The following ABCA9 variants were observed in gnomAD, a reference collection of about 807,000 sequenced individuals.
The protein encoded by ABCA9 is ATP binding cassette subfamily A member 9.
Under a neutral mutation model 205.3 loss-of-function variants are expected in ABCA9, and 183 were observed. The observed-to-expected ratio is 0.89, with a 90% confidence interval of 0.79 to 1.01. The LOEUF (loss-of-function observed/expected upper bound fraction) is 1.01, where lower values mean the gene tolerates loss of function less well. Ranked by LOEUF, ABCA9 falls within the 50% of genes least tolerant of loss-of-function variation. The pLI is 0.00. For missense variants in ABCA9, 1,805 were observed against 1,912.4 expected (o/e 0.94, Z 1.05); for synonymous variants, 651 against 683.3 (o/e 0.95, Z 0.74).
Position 69,017,960 on chromosome 17 carries a change from G to A in ABCA9, c.2768-171C>T, listed in dbSNP as rs189487183. The A allele has an allele frequency of 8.9e-5, 53 of 593,426 alleles. No individual in the cohort carries two copies. The African/African-American group carries it at 9.5e-4, about 11-fold the overall frequency. The allele number at this position is 593,426 out of a possible 1,614,324, so 36.8% of individuals were successfully genotyped here. On this transcript the variant is annotated intron_variant, in intron 20 of 38. Transcript: ENST00000340001. Reference sequence around the variant, plus strand: ...ACAACAATCCAGTCTAACATCATAGGTATGACAAGGTTACTTTATCTAGAG... The same window carrying A: ...ACAACAATCCAGTCTAACATCATAGATATGACAAGGTTACTTTATCTAGAG...
intron 37 of ABCA9, among the ~76,000 whole-genome samples, chr17:68,977,062 G>T (rs1598320286): frequency 6.6e-6 from 1 of 152,238 alleles, no homozygotes; most frequent in East Asian, 1.9e-4. Context: ...GTGGGTGGCT[G>T]ACTTCCCTGC....
chr17:69,015,959 C>T (rs1319783933), intron 22 of ABCA9, among the ~76,000 whole-genome samples: 1 of 123,992 alleles, frequency 8.1e-6, no homozygotes, highest in Non-Finnish European at 1.7e-5. Flanking sequence ...ATTGTGTGGT[C>T]AATTCTAAAT....
At position 69,020,453 on chromosome 17, in the gene ABCA9, C is replaced by G. The variant is rs2070772994; in HGVS notation, c.2535G>C (p.Gln845His). The change falls in exon 19 of 39, where the codon CAG becomes CAC. Residue 845 changes from glutamine (Q) to histidine (H), a missense_variant. By Grantham distance (24) the Gln-to-His change is conservative (BLOSUM62 0). Coordinates refer to ENST00000340001, the MANE Select transcript of ABCA9 (RefSeq NM_080283.4). ...TISGVALWRQQVCAIAKVRFL... is the reference protein window; with the variant it reads ...TISGVALWRQHVCAIAKVRFL... ...AGCGAACTTTTGCTATTGCACAGAC[C>G]TGCTGCCTCCAGAGCGCCACGCCAC... 1 of 1,614,040 alleles carries G rather than the reference C, an allele frequency of 6.2e-7. No homozygotes were observed. Among genetic ancestry groups the G allele is most frequent in the Middle Eastern group, 1.6e-4 (1 of 6,062 alleles).
In ABCA9 at chr17:69,045,215, C is replaced by T. The variant is rs1207200601; in HGVS notation, c.426G>A (p.Trp142Ter). 6.2e-7 allele frequency: 1 copy of T among 1,612,394 alleles called. No homozygotes were observed. The highest frequency in any genetic ancestry group is 8.5e-7 in the Non-Finnish European group (1 of 1,179,398). The change falls in exon 4 of 39, where the codon TGG becomes TGA. Residue 142 changes from tryptophan to a stop codon, truncating the protein, a stop_gained. Coordinates refer to ENST00000340001, the MANE Select transcript of ABCA9 (RefSeq NM_080283.4). LOFTEE classifies it high-confidence loss of function. ...DTFSYHLKFS[W>*]GHRIPMMKEH... ...CTTTCATCATGGGGATTCTATGTCC[C>T]CAAGAAAACTTCAAATGGTAGGAGA...
chr17:69,018,280 T>C, intron 20 of ABCA9, 133 bp downstream of exon 20: 2 of 767,728 alleles, frequency 2.6e-6, no homozygotes, highest in Non-Finnish European at 3.9e-6. Flanking sequence ...TTTTTTAATT[T>C]ATTTTCTGTT....
the ABCA9 span, among the ~76,000 whole-genome samples, chr17:69,070,001 T>C: frequency 6.6e-6 from 1 of 152,212 alleles, no homozygotes; most frequent in Non-Finnish European, 1.5e-5. Context: ...ATGTTATTCA[T>C]TTGAGCAAGA....
At chr17:69,044,244 A>G (rs1435041351) in intron 5 of ABCA9, among the ~76,000 whole-genome samples, 3 of 152,162 alleles carry the variant, frequency 2.0e-5, no homozygotes, top group Non-Finnish European at 2.9e-5. Context: ...CTATGATAGA[A>G]TCTAAACTCT....
chr17:68,995,099 T>A (rs2069574510), intron 26 of ABCA9, among the ~76,000 whole-genome samples: 1 of 152,228 alleles, frequency 6.6e-6, no homozygotes, highest in South Asian at 2.1e-4. Context: ...ATGACGTTCG[T>A]GTAGTCATAG....
Position 68,985,144 on chromosome 17 carries a change from T to A in ABCA9, c.4209-16A>T. Reference sequence around the variant, plus strand: ...ATCCACTAACCTGAAGAAAACAGAGTCAATCCACATAATCCCAACACTGGC... The same window carrying A: ...ATCCACTAACCTGAAGAAAACAGAGACAATCCACATAATCCCAACACTGGC... On this transcript the variant is annotated splice_polypyrimidine_tract_variant and intron_variant, in intron 32 of 38. Transcript: ENST00000340001. 1.9e-6 allele frequency: 3 copies of A among 1,610,240 alleles called. No homozygotes were observed. The highest frequency in any genetic ancestry group is 2.5e-6 in the Non-Finnish European group (3 of 1,177,944).
Position 69,044,522 on chromosome 17 carries a change from G to T in ABCA9, c.548C>A (p.Ala183Asp). 1 of 1,613,084 alleles carries T rather than the reference G, an allele frequency of 6.2e-7. No individual in the cohort carries two copies. Among genetic ancestry groups the T allele is most frequent in the Non-Finnish European group, 8.5e-7 (1 of 1,179,484 alleles). ...FWEKGFVAFQ[A>D]AINAAIIEIA... ...TTCTATGATAGCAGCATTAATGGCAGCTTGAAAAGCTACAAAGCCTTTCTC... is the reference window on the plus strand; with the variant it reads ...TTCTATGATAGCAGCATTAATGGCATCTTGAAAAGCTACAAAGCCTTTCTC... The change falls in exon 5 of 39, where the codon GCT becomes GAT. Residue 183 changes from alanine to aspartate, a missense_variant. Coordinates refer to ENST00000340001, the MANE Select transcript of ABCA9 (RefSeq NM_080283.4).
chr17:68,984,661 A>T (rs376898692), intron 34 of ABCA9, among the ~76,000 whole-genome samples: 96 of 152,346 alleles, frequency 6.3e-4, no homozygotes, highest in African/African-American at 2.2e-3. Context: ...TGTTCCATGT[A>T]GGCACAGACA....
chr17:69,035,292 G>T lies in ABCA9; in HGVS notation c.1082C>A (p.Thr361Asn), dbSNP rs773626910. The T allele has an allele frequency of 5.6e-6, 9 of 1,606,272 alleles. No homozygotes were observed. The South Asian group carries it at 8.9e-5, about 16-fold the overall frequency. The change falls in exon 8 of 39, where the codon ACT becomes AAT. Residue 361 changes from threonine to asparagine, a missense_variant. Physicochemically the swap from Thr to Asn is moderately conservative, Grantham distance 65 (BLOSUM62 0). Transcript: ENST00000340001. ...YTRLPAFLEW[T>N]LCLLSPFAFT... ...GGCAAAGGGGCTAAGAAGACACAAA[G>T]TCCATTCCAAAAATGCAGGAAGACG...
At position 68,975,251 on chromosome 17, in the gene ABCA9, C is replaced by G. The variant is rs539739811; in HGVS notation, c.*664G>C. On this transcript the variant is annotated 3_prime_UTR_variant, in exon 39 of 39. Transcript: ENST00000340001. ...GTCACGTTTTCTTTATCCGGTCTAT[C>G]ATTTGTGGGTATTTTGGTTGGTTCC... The G allele has an allele frequency of 6.6e-6, 1 of 152,358 alleles. No homozygotes were observed. Among genetic ancestry groups the G allele is most frequent in the East Asian group, 1.9e-4 (1 of 5,180 alleles). 9.4% of individuals were successfully genotyped at this position (152,358 alleles called of 1,614,324 possible). A position where few individuals can be genotyped will look rare whatever the true frequency, so the allele number is the denominator to read the frequency against.
intron 11 of ABCA9, 22 bp downstream of exon 11, chr17:69,029,147 A>T: frequency 7.0e-7 from 1 of 1,435,782 alleles, no homozygotes; most frequent in Non-Finnish European, 9.6e-7. Flanking sequence ...CAGCCCCATT[A>T]AATAAAATAT....
chr17:69,039,049 C>T (rs2071442943), intron 6 of ABCA9, among the ~76,000 whole-genome samples: 1 of 151,998 alleles, frequency 6.6e-6, no homozygotes, highest in African/African-American at 2.4e-5. Flanking sequence ...AATAACTGCT[C>T]AAGGAAATAA....
rs114610006 is a variant in ABCA9, at chr17:68,981,456, C to T, written c.4720+1106G>A. ...AAAATACTTCCTGTTGATCTCACTG[C>T]GGAATCCTTCCAACTGGAAAGATGC... is the stretch of plus-strand genomic sequence containing the variant. On this transcript the variant is annotated intron_variant, in intron 37 of 38. Transcript: ENST00000340001. Among the ~76,000 whole-genome samples the T allele has an allele frequency of 4.5e-3, 689 of 152,222 alleles. 6 individuals are homozygous for T. The highest frequency in any genetic ancestry group is 0.016 in the African/African-American group (661 of 41,528).
chr17:68,990,485 G>T (rs1054108379), intron 29 of ABCA9, among the ~76,000 whole-genome samples: 1 of 152,208 alleles, frequency 6.6e-6, no homozygotes, highest in African/African-American at 2.4e-5. Flanking sequence ...AGGCTCAAGT[G>T]AGCTTCCAGC....
At chr17:69,017,928 T>C in intron 20 of ABCA9, 139 bp from the exon 21 acceptor site, 2 of 916,720 alleles carry the variant, frequency 2.2e-6, no homozygotes, top group Non-Finnish European at 1.6e-6. Flanking sequence ...AGAATTGATG[T>C]TCTGGTACAA....
chr17:69,037,749 AC>A (rs1395211596), intron 6 of ABCA9, among the ~76,000 whole-genome samples: 1 of 151,980 alleles, frequency 6.6e-6, no homozygotes, highest in Non-Finnish European at 1.5e-5. Context: ...GACATGAAAA[AC>A]CCTGCAAAAA....
Sources: allele counts gnomAD v4.1 joint callset (sites outside exome capture counted in the v4.1 genomes callset), GRCh38; gene constraint gnomAD v4.1.1; transcripts MANE v1.5; gene names NCBI Gene and HGNC (gene_info 2026-07-23, HGNC 2026-07-21).